ABCA4: variants seen among roughly 807,000 people sequenced by gnomAD.
The protein encoded by ABCA4 is retinal-specific phospholipid-transporting ATPase ABCA4.
In ABCA4, 196 loss-of-function variants were observed where a neutral mutation model predicts 263.7. That is an observed-to-expected ratio of 0.74 (90% CI 0.66 to 0.84). ABCA4 has a LOEUF of 0.84. Ranked by LOEUF, ABCA4 falls within the 40% of genes least tolerant of loss-of-function variation. The pLI, the probability that ABCA4 is intolerant of heterozygous loss-of-function variation, is 0.00. For missense variants in ABCA4, 2,792 were observed against 2,855.1 expected (o/e 0.98, Z 0.50); for synonymous variants, 1,133 against 1,094.2 (o/e 1.04, Z -0.70).
At chr1:94,008,676 T>A in intron 41 of ABCA4, 75 bp downstream of exon 41, 2 of 1,604,810 alleles carry the variant, frequency 1.2e-6, no homozygotes, top group Non-Finnish European at 1.7e-6. Context: ...TCAATTGTTC[T>A]ATAGAAGGAA....
chr1:94,025,588 C>T (rs376495410), intron 30 of ABCA4: 1 of 172,164 alleles, frequency 5.8e-6, no homozygotes, highest in East Asian at 1.5e-4. Flanking sequence ...CCCTGTCTCT[C>T]GGCGAGCACC....
At position 93,993,155 on chromosome 1, in the gene ABCA4, G is replaced by A. The variant is rs1035317143; in HGVS notation, c.*82C>T. On this transcript the variant is annotated 3_prime_UTR_variant, in exon 50 of 50. Transcript: ENST00000370225. ...GTCATTTACGCTGGCCAGTCCATTTGGATGACCATATGGGCACAGGCTCCT... is the reference window on the plus strand; with the variant it reads ...GTCATTTACGCTGGCCAGTCCATTTAGATGACCATATGGGCACAGGCTCCT... 5.0e-6 allele frequency: 8 copies of A among 1,585,192 alleles called. No homozygotes were observed. The highest frequency in any genetic ancestry group is 6.9e-6 in the Non-Finnish European group (8 of 1,155,044).
chr1:94,018,185 G>C (rs778019373), intron 36 of ABCA4, among the ~76,000 whole-genome samples: 1 of 151,146 alleles, frequency 6.6e-6, no homozygotes, highest in South Asian at 2.1e-4. Context: ...CCCTGTAAGC[G>C]CACACGCGCG....
intron 30 of ABCA4, among the ~76,000 whole-genome samples, chr1:94,026,150 G>T (rs1660034297): frequency 6.6e-6 from 1 of 152,160 alleles, no homozygotes; most frequent in Admixed American, 6.5e-5. Flanking sequence ...TAGTTGAGGG[G>T]ATTTTGGTGG....
chr1:94,063,988 A>G (rs2101080375), intron 11 of ABCA4, among the ~76,000 whole-genome samples: 1 of 152,224 alleles, frequency 6.6e-6, no homozygotes, highest in East Asian at 1.9e-4. Context: ...ATGTTTGAAA[A>G]TTTGAATATG....
intron 24 of ABCA4, among the ~76,000 whole-genome samples, chr1:94,038,774 G>T (rs1210382577): frequency 6.6e-6 from 1 of 152,122 alleles, no homozygotes; most frequent in African/African-American, 2.4e-5. Context: ...GGTCAGCAGG[G>T]CTTTGGGCAT....
intron 6 of ABCA4, among the ~76,000 whole-genome samples, chr1:94,093,575 G>A (rs1411806601): frequency 6.6e-6 from 1 of 152,216 alleles, no homozygotes; most frequent in East Asian, 1.9e-4. Context: ...CTCAATGGCA[G>A]CCTTCCCAGG....
intron 4 of ABCA4, among the ~76,000 whole-genome samples, chr1:94,104,707 G>C (rs906994043): frequency 2.0e-5 from 3 of 152,302 alleles, no homozygotes; most frequent in Admixed American, 1.3e-4. Flanking sequence ...CTTTGCATAG[G>C]AAAGATCCAA....
In ABCA4 at chr1:94,116,968, C is replaced by CTTTCTTTCTTTCTT. The variant is rs764312285; in HGVS notation, c.67-3903_67-3902insAAGAAAGAAAGAAA. Among the ~76,000 whole-genome samples, 95 of 100,052 alleles carry CTTTCTTTCTTTCTT rather than the reference C, an allele frequency of 9.5e-4. 1 individual carries two copies. Among genetic ancestry groups the CTTTCTTTCTTTCTT allele is most frequent in the East Asian group, 6.7e-3 (21 of 3,138 alleles). The allele number at this position is 100,052 out of a possible 152,430, so 65.6% of individuals were successfully genotyped here. A position where few individuals can be genotyped will look rare whatever the true frequency, so the allele number is the denominator to read the frequency against. ...CCCTCCCTCCCTCCTTTCTTTCTTT[C>CTTTCTTTCTTTCTT]TCTTTCTTTCTTTCTTTCTTTCTTT... On this transcript the variant is annotated intron_variant, in intron 1 of 49. Coordinates refer to ENST00000370225, the MANE Select transcript of ABCA4 (RefSeq NM_000350.3).
chr1:94,077,805 T>C lies in ABCA4; in HGVS notation c.1439A>G (p.Asn480Ser). 1 of 1,614,196 alleles carries C rather than the reference T, an allele frequency of 6.2e-7. No homozygotes were observed. Among genetic ancestry groups the C allele is most frequent in the Non-Finnish European group, 8.5e-7 (1 of 1,180,022 alleles). The stretch of plus-strand genomic sequence containing the variant: ...TTCCCGAGGGCCCTTGTAGAGGAAG[T>C]TTAGGATGGCTTCAGCAGTAATACC... ...EEGITAEAILNFLYKGPRESQ... is the reference protein window; with the variant it reads ...EEGITAEAILSFLYKGPRESQ... Residue 480 changes from asparagine (N) to serine (S), a missense_variant, in exon 11 of 50, where the codon AAC becomes AGC. Asn to Ser is a conservative substitution (Grantham distance 46). Coordinates refer to ENST00000370225, the MANE Select transcript of ABCA4 (RefSeq NM_000350.3).
chr1:94,036,588 G>A lies in ABCA4; in HGVS notation c.3862+152C>T, dbSNP rs1660343065. The A allele has an allele frequency of 1.1e-5, 9 of 804,348 alleles. No individual in the cohort carries two copies. In the Admixed American group the frequency reaches 1.7e-4, roughly 15 times the overall value. The allele number at this position is 804,348 out of a possible 1,614,324, so 49.8% of individuals were successfully genotyped here. A position where few individuals can be genotyped will look rare whatever the true frequency, so the allele number is the denominator to read the frequency against. On this transcript the variant is annotated intron_variant, in intron 26 of 49. Coordinates refer to ENST00000370225, the MANE Select transcript of ABCA4 (RefSeq NM_000350.3). Reference sequence around the variant, plus strand: ...GATGGGGTTTCACCATGTTGGCCAGGCTGGTCTCGAACTCAGGTGGTCCAT... The same window carrying A: ...GATGGGGTTTCACCATGTTGGCCAGACTGGTCTCGAACTCAGGTGGTCCAT...
intron 36 of ABCA4, 100 bp downstream of exon 36, chr1:94,019,482 C>T: frequency 7.3e-7 from 1 of 1,368,656 alleles, no homozygotes; most frequent in Non-Finnish European, 1.0e-6. Context: ...AGCCCTGGCA[C>T]CGTGAGAACC....
At chr1:94,079,925 G>C (rs777960674) in intron 8 of ABCA4, among the ~76,000 whole-genome samples, 16 of 151,394 alleles carry the variant, frequency 1.1e-4, no homozygotes, top group South Asian at 2.1e-4. Flanking sequence ...CCTCTTTTCA[G>C]TTTTTAACTA....
At chr1:94,096,130 G>A (rs1396004799) in intron 6 of ABCA4, among the ~76,000 whole-genome samples, 1 of 152,162 alleles carries the variant, frequency 6.6e-6, no homozygotes, top group Non-Finnish European at 1.5e-5. Context: ...AGACTGAGGT[G>A]GTAAATTAAA....
In ABCA4 at chr1:94,120,997, GGGT is replaced by G; in HGVS notation, c.46_48del (p.Thr16del). 3.7e-6 allele frequency: 6 copies of G among 1,609,472 alleles called. No homozygotes were observed. The highest frequency in any genetic ancestry group is 5.1e-6 in the Non-Finnish European group (6 of 1,177,652). ...ACTGTTACCTTTTGCCTTTTCCGCA[GGGT>G]CCAGTTCTTCCAGAGCAAAAGCTGT... On this transcript the variant is annotated inframe_deletion, in exon 1 of 50. Coordinates refer to ENST00000370225, the MANE Select transcript of ABCA4 (RefSeq NM_000350.3).
chr1:94,117,040 CT>C (rs1377541450), intron 1 of ABCA4, among the ~76,000 whole-genome samples: 3 of 112,006 alleles, frequency 2.7e-5, no homozygotes, highest in African/African-American at 1.0e-4. Context: ...TTCTTTCTTT[CT>C]TCTTCTTTCC....
intron 10 of ABCA4, 33 bp downstream of exon 10, chr1:94,078,557 C>A: frequency 1.6e-6 from 1 of 612,632 alleles, no homozygotes; most frequent in Non-Finnish European, 3.0e-6. Context: ...GCTTCCTCCT[C>A]CCCTCCCCTC....
At chr1:94,001,250 C>T (rs1236897621) in intron 45 of ABCA4, 145 bp from the exon 46 acceptor site, 5 of 678,684 alleles carry the variant, frequency 7.4e-6, no homozygotes, top group Admixed American at 2.2e-5. Flanking sequence ...GACAGGGGTA[C>T]CCTGGTGTAG....
chr1:94,062,902 T>C, intron 12 of ABCA4, 149 bp from the exon 13 acceptor site: 1 of 1,082,102 alleles, frequency 9.2e-7, no homozygotes, highest in Non-Finnish European at 1.4e-6. Context: ...AGTCCTCAGT[T>C]TAAATCTCAG....
Sources: gnomAD v4.1 joint callset for allele counts (sites outside exome capture counted in the v4.1 genomes callset) on GRCh38, gnomAD v4.1.1 for gene constraint, MANE v1.5 for transcripts, NCBI Gene and HGNC (gene_info 2026-07-23, HGNC 2026-07-21) for gene names.